MMP13: variants seen among roughly 807,000 people sequenced by gnomAD.
The protein encoded by MMP13 is matrix metallopeptidase 13, also known as collagenase 3.
Under a neutral mutation model 52.1 loss-of-function variants are expected in MMP13, and 45 were observed. That is an observed-to-expected ratio of 0.86 (90% CI 0.68 to 1.11). MMP13 has a LOEUF of 1.11. Among genes scored for constraint, MMP13 ranks in the 50% least tolerant of loss-of-function variants. The pLI, the probability that MMP13 is intolerant of heterozygous loss-of-function variation, is 0.00. For synonymous variants in MMP13, 200 were observed against 204.4 expected (o/e 0.98, Z 0.18); for missense variants, 576 against 583.8 (o/e 0.99, Z 0.14).
rs1230090486 is a variant in MMP13 at position 102,945,668 on chromosome 11, T to A, written c.1293A>T (p.Val431=). 2 of 1,599,110 alleles carry A rather than the reference T, an allele frequency of 1.3e-6. No individual in the cohort carries two copies. Among genetic ancestry groups the A allele is most frequent in the Non-Finnish European group, 1.7e-6 (2 of 1,167,190 alleles). Residue 431 remains valine, a synonymous_variant, in exon 9 of 10, where the codon GTA becomes GTT. Transcript: ENST00000260302. ...TACCATTTTTCTCATAGACAGCATC[T>A]ACTTTATCACCAATTCCTGGGAAGT... ...EEDFPGIGDK[V]DAVYEKNGYI... is the part of the protein sequence containing the mutation.
In MMP13 at chr11:102,955,346, C is replaced by T. The variant is rs1307931153; in HGVS notation, c.268G>A (p.Val90Ile). 2 of 1,614,016 alleles carry T rather than the reference C, an allele frequency of 1.2e-6. No individual in the cohort carries two copies. The change falls in exon 2 of 10, where the codon GTC (valine) becomes ATC (isoleucine). Residue 90 changes from valine to isoleucine, a missense_variant. Coordinates refer to ENST00000260302, the MANE Select transcript of MMP13 (RefSeq NM_002427.4). The surrounding 1 kb of genome is among the most constrained non-coding windows in gnomAD (Gnocchi z 4.9). Reference protein sequence around the residue: ...TGKLDDNTLDVMKKPRCGVPD... With the variant: ...TGKLDDNTLDIMKKPRCGVPD... ...ACCCCGCATCTTGGCTTTTTCATGA[C>T]ATCTAAGGTGTTATCGTCAAGTTTG...
chr11:102,950,013 C>T (rs1456902675), intron 6 of MMP13, 97 bp downstream of exon 6: 16 of 999,944 alleles, frequency 1.6e-5, no homozygotes, highest in South Asian at 2.6e-5. Context: ...CTGCTAACTT[C>T]GCCTTTGGAA....
chr11:102,945,545 A>T, intron 9 of MMP13, 101 bp downstream of exon 9: 1 of 787,858 alleles, frequency 1.3e-6, no homozygotes, highest in Non-Finnish European at 2.2e-6. Context: ...CCATACATTT[A>T]TTAACACATC....
At chr11:102,950,279 C>T in intron 5 of MMP13, 52 bp from the exon 6 acceptor site, 2 of 1,380,388 alleles carry the variant, frequency 1.4e-6, no homozygotes, top group Non-Finnish European at 2.1e-6. Flanking sequence ...TTACTGATAA[C>T]CTGAGTCACA....
In MMP13 at chr11:102,949,010, C is replaced by T. The variant is rs781847523; in HGVS notation, c.1051+15G>A. 1.2e-6 allele frequency: 2 copies of T among 1,613,536 alleles called. No individual in the cohort carries two copies. The highest frequency in any genetic ancestry group is 2.2e-5 in the South Asian group (2 of 91,076). On this transcript the variant is annotated intron_variant, in intron 7 of 9. Coordinates refer to ENST00000260302, the MANE Select transcript of MMP13 (RefSeq NM_002427.4). This position sits in a 1 kb window ranked among gnomAD's most constrained non-coding sequence, Gnocchi z 4.2. ...CCCCTGGTCTTGTGTGAGGACTCCT[C>T]TGTGGAAAGCTTACCTCTGAAGATG...
At chr11:102,951,148 G>A (rs371391293) in intron 5 of MMP13, among the ~76,000 whole-genome samples, 1 of 152,102 alleles carries the variant, frequency 6.6e-6, no homozygotes, top group Non-Finnish European at 1.5e-5. Flanking sequence ...GAAAACTTGG[G>A]GGGGGAAGTG....
At chr11:102,954,320 C>T (rs2134522072) in intron 3 of MMP13, 39 bp from the exon 4 acceptor site, 2 of 1,613,286 alleles carry the variant, frequency 1.2e-6, no homozygotes, top group East Asian at 2.2e-5. Context: ...TTATCACATC[C>T]AGGAGTACTT....
intron 5 of MMP13, 99 bp downstream of exon 5, chr11:102,951,912 CA>C: frequency 7.7e-7 from 1 of 1,306,318 alleles, no homozygotes. Flanking sequence ...TTCACTGTAC[CA>C]AAACATTATT....
chr11:102,946,270 C>T (rs537074974), intron 8 of MMP13, among the ~76,000 whole-genome samples: 4 of 152,288 alleles, frequency 2.6e-5, no homozygotes, highest in African/African-American at 9.6e-5. Context: ...ATTTCAAGCT[C>T]CTTCTCCCCT....
intron 4 of MMP13, among the ~76,000 whole-genome samples, chr11:102,953,550 C>T (rs970626066): frequency 5.3e-5 from 8 of 152,188 alleles, no homozygotes; most frequent in African/African-American, 1.9e-4. Context: ...GAAGATTTAA[C>T]TACTAACTGA....
chr11:102,954,197 G>GAC lies in MMP13; in HGVS notation c.595_596insGT (p.Ala199GlyfsTer31), dbSNP rs1215006619. ...CCAGGTTTCATCATCATCAAAATGG[G>GAC]CATCTCCTCCATAATTTGGCCCAGG... On this transcript the variant is annotated frameshift_variant, in exon 4 of 10. Transcript: ENST00000260302. LOFTEE classifies it high-confidence loss of function. The GAC allele has an allele frequency of 4.5e-5, 73 of 1,613,360 alleles. No homozygotes were observed. Among genetic ancestry groups the GAC allele is most frequent in the Non-Finnish European group, 6.1e-5 (72 of 1,179,702 alleles).
In MMP13 at chr11:102,950,118, A is replaced by C; in HGVS notation, c.909T>G (p.Phe303Leu). The C allele has an allele frequency of 6.2e-7, 1 of 1,606,058 alleles. No homozygotes were observed. Among genetic ancestry groups the C allele is most frequent in the Non-Finnish European group, 8.5e-7 (1 of 1,172,708 alleles). The change falls in exon 6 of 10, where the codon TTT (phenylalanine) becomes TTG (leucine). Residue 303 changes from phenylalanine to leucine, a missense_variant. By Grantham distance (22) the Phe-to-Leu change is conservative. Coordinates refer to ENST00000260302, the MANE Select transcript of MMP13 (RefSeq NM_002427.4). ...ITSLRGETMI[F>L]KDRFFWRLHP... ...AAGAATCTCAAGAGTACCTGTCTTT[A>C]AAGATCATTGTTTCTCCTCGGAGAC... is the stretch of plus-strand genomic sequence containing the variant.
Position 102,949,894 on chromosome 11 carries a change from G to A in MMP13, c.917+216C>T, listed in dbSNP as rs1457970775. On this transcript the variant is annotated intron_variant, in intron 6 of 9. Coordinates refer to ENST00000260302, the MANE Select transcript of MMP13 (RefSeq NM_002427.4). This position sits in a 1 kb window ranked among gnomAD's most constrained non-coding sequence, Gnocchi z 4.2. The stretch of plus-strand genomic sequence containing the variant: ...TATAAGAAAGACTGTAACTAGAGAT[G>A]TAAAAGGAAGCTACACAATGTCAAG... Among the ~76,000 whole-genome samples, 3 of 152,198 alleles carry A rather than the reference G, an allele frequency of 2.0e-5. No individual in the cohort carries two copies. Among genetic ancestry groups the A allele is most frequent in the African/African-American group, 2.4e-5 (1 of 41,454 alleles).
intron 9 of MMP13, chr11:102,945,315 T>C: frequency 9.8e-7 from 1 of 1,019,860 alleles, no homozygotes; most frequent in Non-Finnish European, 1.2e-6. Context: ...TATGAGTCTT[T>C]ATATATAAAT....
Position 102,954,159 on chromosome 11 carries a change from T to C in MMP13, c.634A>G (p.Lys212Glu). 1 of 1,613,488 alleles carries C rather than the reference T, an allele frequency of 6.2e-7. No individual in the cohort carries two copies. The highest frequency in any genetic ancestry group is 8.5e-7 in the Non-Finnish European group (1 of 1,179,604). ...DDDETWTSSS[K>E]GYNLFLVAAH... Reference sequence around the variant, plus strand: ...ATATCTTTATAAGAAACATTACCTTTGGAACTACTTGTCCAGGTTTCATCA... The same window carrying C: ...ATATCTTTATAAGAAACATTACCTTCGGAACTACTTGTCCAGGTTTCATCA... The change falls in exon 4 of 10, where the codon AAA becomes GAA. Residue 212 changes from lysine to glutamate, a missense_variant. Coordinates refer to ENST00000260302, the MANE Select transcript of MMP13 (RefSeq NM_002427.4).
At position 102,948,051 on chromosome 11, in the gene MMP13, C is replaced by G. The variant is rs782613055; in HGVS notation, c.1052-1G>C. 5.0e-6 allele frequency: 8 copies of G among 1,612,848 alleles called. No homozygotes were observed. In the Admixed American group the frequency reaches 6.7e-5, roughly 13 times the overall value. ...CCATTAAGAGCCCAAAATTTTCTACCTGGAATGAGTGAAATAACAGTTCTA... is the reference window on the plus strand; with the variant it reads ...CCATTAAGAGCCCAAAATTTTCTACGTGGAATGAGTGAAATAACAGTTCTA... On this transcript the variant is annotated splice_acceptor_variant, in intron 7 of 9. Transcript: ENST00000260302. LOFTEE classifies it high-confidence loss of function.
chr11:102,953,008 A>G (rs961967061), intron 4 of MMP13, among the ~76,000 whole-genome samples: 11 of 152,174 alleles, frequency 7.2e-5, no homozygotes, highest in African/African-American at 2.7e-4. Flanking sequence ...TAGCCTGTGC[A>G]TGAAGAAAAT....
chr11:102,948,917 A>C (rs959899351), intron 7 of MMP13, 108 bp downstream of exon 7: 3 of 1,451,082 alleles, frequency 2.1e-6, no homozygotes, highest in African/African-American at 1.4e-5. Context: ...CTTGGTCTTT[A>C]ATTTAGGTAT....
chr11:102,944,894 T>G (rs1349082725), intron 9 of MMP13, among the ~76,000 whole-genome samples: 1 of 149,858 alleles, frequency 6.7e-6, no homozygotes, highest in Non-Finnish European at 1.5e-5. Flanking sequence ...GTGCTCAGAT[T>G]GCAGGCATGA....
Sources: allele counts gnomAD v4.1 joint callset (sites outside exome capture counted in the v4.1 genomes callset), GRCh38; gene constraint gnomAD v4.1.1; non-coding constraint Gnocchi (gnomAD v3.1); transcripts MANE v1.5; gene names NCBI Gene and HGNC (gene_info 2026-07-23, HGNC 2026-07-21).